LIF: variants seen among roughly 807,000 people sequenced by gnomAD.
LIF encodes the protein LIF interleukin 6 family cytokine.
A neutral mutation model predicts 15.0 loss-of-function variants in LIF; 9 were observed. That is an observed-to-expected ratio of 0.60 (90% CI 0.36 to 1.04). The LOEUF is 1.04. LIF is among the 50% of genes least tolerant of loss of function. The probability of loss-of-function intolerance (pLI) is 0.01; values close to 1 mark genes in which losing one functional copy is unlikely to be tolerated. For missense variants in LIF, 240 were observed against 266.7 expected, an observed-to-expected ratio of 0.90 and a Z score of 0.70; for synonymous variants, 122 against 119.7, an observed-to-expected ratio of 1.02 and a Z score of -0.13.
chr22:30,243,645 C>T lies in LIF; in HGVS notation c.*6G>A, dbSNP rs564218086. ...CTCGGTTCACAGCACACTTCAAGAC[C>T]TCCTGCTAGAAGGCCTGGGCCAACA... On this transcript the variant is annotated 3_prime_UTR_variant, in exon 3 of 3. Coordinates refer to ENST00000249075, the MANE Select transcript of LIF (RefSeq NM_002309.5). The surrounding 1 kb of genome is among the most constrained non-coding windows in gnomAD (Gnocchi z 6.0). 6.2e-7 allele frequency: 1 copy of T among 1,614,196 alleles called. No homozygotes were observed. The highest frequency in any genetic ancestry group is 2.2e-5 in the East Asian group (1 of 44,890).
rs1928692688 is a variant in LIF at position 30,242,095 on chromosome 22, T to TG, written c.*1555dup. Reference sequence around the variant, plus strand: ...CCAGGGCGCTATTTCAGAGGCAGCATGGGGACACAGAAACAAGGACAGGGT... The same window carrying TG: ...CCAGGGCGCTATTTCAGAGGCAGCATGGGGGACACAGAAACAAGGACAGGGT... On this transcript the variant is annotated 3_prime_UTR_variant, in exon 3 of 3. Coordinates refer to ENST00000249075, the MANE Select transcript of LIF (RefSeq NM_002309.5). 1 of 152,970 alleles carries TG rather than the reference T, an allele frequency of 6.5e-6. No homozygotes were observed. Among genetic ancestry groups the TG allele is most frequent in the South Asian group, 2.1e-4 (1 of 4,836 alleles). The allele number at this position is 152,970 out of a possible 1,614,324, so 9.5% of individuals were successfully genotyped here.
Position 30,243,511 on chromosome 22 carries a change from G to A in LIF, c.*140C>T. The A allele has an allele frequency of 9.9e-7, 1 of 1,014,300 alleles. No homozygotes were observed. The highest frequency in any genetic ancestry group is 1.5e-6 in the Non-Finnish European group (1 of 658,190). 62.8% of individuals were successfully genotyped at this position (1,014,300 alleles called of 1,614,324 possible). A position where few individuals can be genotyped will look rare whatever the true frequency, so the allele number is the denominator to read the frequency against. ...GCCCAGCCCAGAGTGGAGTGGACTG[G>A]CCAGGCACCCTCGGGGTCTGCCAGC... On this transcript the variant is annotated 3_prime_UTR_variant, in exon 3 of 3. Transcript: ENST00000249075. The surrounding 1 kb of genome is among the most constrained non-coding windows in gnomAD (Gnocchi z 6.0).
chr22:30,244,693 C>G, intron 2 of LIF, 62 bp downstream of exon 2: 16 of 1,498,580 alleles, frequency 1.1e-5, no homozygotes, highest in Non-Finnish European at 1.4e-5. Context: ...CAGGACAGCC[C>G]CTAATGATAT....
rs1294269139 is a variant in LIF, at chr22:30,243,668, A to C, written c.592T>G (p.Leu198Val). 2 of 1,614,232 alleles carry C rather than the reference A, an allele frequency of 1.2e-6. No individual in the cohort carries two copies. Among genetic ancestry groups the C allele is most frequent in the South Asian group, 2.2e-5 (2 of 91,086 alleles). ...ACCTCCTGCTAGAAGGCCTGGGCCA[A>C]CACGGCGATGATCTGCTTATACTTC... Reference protein sequence around the residue: ...LGKYKQIIAVLAQAF With the variant: ...LGKYKQIIAVVAQAF Residue 198 changes from leucine (L) to valine (V), a missense_variant, in exon 3 of 3, where the codon TTG becomes GTG. Leu to Val is a conservative substitution (Grantham distance 32, BLOSUM62 1). Transcript: ENST00000249075. The surrounding 1 kb of genome is among the most constrained non-coding windows in gnomAD (Gnocchi z 6.0).
rs772002586 is a variant in LIF, at chr22:30,244,023, G to T, written c.237C>A (p.Asp79Glu). 8 of 1,612,200 alleles carry T rather than the reference G, an allele frequency of 5.0e-6. No homozygotes were observed. The Admixed American group carries it at 1.3e-4, about 27-fold the overall frequency. ...CCGTCACGTTGGGGCCACATAGCTT[G>T]TCCAGGTTGTTGGGGAACGGCTCCC... ...AQGEPFPNNL[D>E]KLCGPNVTDF... Residue 79 changes from aspartate (D) to glutamate (E), a missense_variant, in exon 3 of 3, where the codon GAC (aspartate) becomes GAA (glutamate). Physicochemically the swap from Asp to Glu is conservative, Grantham distance 45. Transcript: ENST00000249075.
In LIF at chr22:30,246,740, G is replaced by C. The variant is rs1340806995; in HGVS notation, c.-45C>G. 3 of 1,549,952 alleles carry C rather than the reference G, an allele frequency of 1.9e-6. No homozygotes were observed. The highest frequency in any genetic ancestry group is 2.6e-6 in the Non-Finnish European group (3 of 1,145,196). On this transcript the variant is annotated 5_prime_UTR_variant, in exon 1 of 3. Transcript: ENST00000249075. ...GGCCTTGGAGGAAACCTCAGATGCC[G>C]GCAGTTTTCAGAGGTTCATGCTCAA...
rs3067163 is a variant in LIF at position 30,242,327 on chromosome 22, TG to T, written c.*1323del. The T allele has an allele frequency of 0.079, 11,933 of 150,294 alleles. 532 individuals carry two copies. The highest frequency in any genetic ancestry group is 0.1 in the Non-Finnish European group (6,726 of 67,410). The allele number at this position is 150,294 out of a possible 1,614,324, so 9.3% of individuals were successfully genotyped here. On this transcript the variant is annotated 3_prime_UTR_variant, in exon 3 of 3. Coordinates refer to ENST00000249075, the MANE Select transcript of LIF (RefSeq NM_002309.5). ...CCCTAAAGCAAGTCACAGTAGGGGA[TG>T]GGGGGGGGTGGAGCAAGGCCCCCCA...
At chr22:30,245,051 T>G in intron 1 of LIF, 118 bp from the exon 2 acceptor site, 1 of 904,536 alleles carries the variant, frequency 1.1e-6, no homozygotes, top group Non-Finnish European at 1.8e-6. Flanking sequence ...TGGTTCCCCC[T>G]CACCACCTGC....
intron 1 of LIF, 24 bp downstream of exon 1, chr22:30,246,653 C>T: frequency 6.4e-7 from 1 of 1,550,924 alleles, no homozygotes; most frequent in Non-Finnish European, 8.7e-7. Context: ...GGACGCGAAG[C>T]CGGCGCGGGG....
Position 30,244,032 on chromosome 22 carries a change from G to C in LIF, c.228C>G (p.Asn76Lys), listed in dbSNP as rs770109629. The change falls in exon 3 of 3, where the codon AAC becomes AAG. Residue 76 changes from asparagine (N) to lysine (K), a missense_variant. Coordinates refer to ENST00000249075, the MANE Select transcript of LIF (RefSeq NM_002309.5). The stretch of plus-strand genomic sequence containing the variant: ...TGGGGCCACATAGCTTGTCCAGGTT[G>C]TTGGGGAACGGCTCCCCCTGGGCTG... ...YYTAQGEPFP[N>K]NLDKLCGPNV... The C allele has an allele frequency of 3.7e-6, 6 of 1,611,128 alleles. No homozygotes were observed. The South Asian group carries it at 6.6e-5, about 18-fold the overall frequency.
Position 30,243,950 on chromosome 22 carries a change from C to T in LIF, c.310G>A (p.Glu104Lys), listed in dbSNP as rs780820237. 6.2e-7 allele frequency: 1 copy of T among 1,614,172 alleles called. No individual in the cohort carries two copies. Among genetic ancestry groups the T allele is most frequent in the South Asian group, 1.1e-5 (1 of 91,090 alleles). ...AGGTACACGACTATGCGGTACAGCTCCACCAGCTTGGCCTTCTCCGTGCCG... is the reference window on the plus strand; with the variant it reads ...AGGTACACGACTATGCGGTACAGCTTCACCAGCTTGGCCTTCTCCGTGCCG... ...ANGTEKAKLV[E>K]LYRIVVYLGT... The change falls in exon 3 of 3, where the codon GAG (glutamate) becomes AAG (lysine). Residue 104 changes from glutamate to lysine, a missense_variant. Glu to Lys is a moderately conservative substitution (Grantham distance 56). Coordinates refer to ENST00000249075, the MANE Select transcript of LIF (RefSeq NM_002309.5). The surrounding 1 kb of genome is among the most constrained non-coding windows in gnomAD (Gnocchi z 6.0).
At chr22:30,246,392 A>T in intron 1 of LIF, 1 of 945,090 alleles carries the variant, frequency 1.1e-6, no homozygotes, top group Non-Finnish European at 1.3e-6. Flanking sequence ...GAGTGTCCGG[A>T]GCGAGGAGGA....
At chr22:30,245,474 C>G (rs1287152950) in intron 1 of LIF, among the ~76,000 whole-genome samples, 2 of 152,042 alleles carry the variant, frequency 1.3e-5, no homozygotes, top group African/African-American at 4.8e-5. Context: ...CTCGGTTGAC[C>G]CTCATCTCCC....
rs1441102258 is a variant in LIF at position 30,243,328 on chromosome 22, T to G, written c.*323A>C. 3.4e-5 allele frequency: 15 copies of G among 444,792 alleles called. No individual in the cohort carries two copies. The highest frequency in any genetic ancestry group is 6.6e-4 in the Middle Eastern group (1 of 1,522). 27.6% of individuals were successfully genotyped at this position (444,792 alleles called of 1,614,324 possible). A position where few individuals can be genotyped will look rare whatever the true frequency, so the allele number is the denominator to read the frequency against. On this transcript the variant is annotated 3_prime_UTR_variant, in exon 3 of 3. Coordinates refer to ENST00000249075, the MANE Select transcript of LIF (RefSeq NM_002309.5). This position sits in a 1 kb window ranked among gnomAD's most constrained non-coding sequence, Gnocchi z 6.0. ...GGTCAGGGCTCTTGTAGATGACTTG[T>G]GTAGTTTGTTCACTGCACAAAGTGA...
In LIF at chr22:30,244,972, G is replaced by A. The variant is rs775285137; in HGVS notation, c.20-39C>T. On this transcript the variant is annotated intron_variant, in intron 1 of 2. Transcript: ENST00000249075. ...GGAAGAAGCCATGAGTAGAAAGGCA[G>A]GAAAGGGTGGCCTGGGGTCATGGCA... The A allele has an allele frequency of 1.9e-6, 3 of 1,609,082 alleles. No homozygotes were observed. In the Admixed American group the frequency reaches 5.0e-5, roughly 27 times the overall value.
At chr22:30,245,152 G>A (rs1390950887) in intron 1 of LIF, among the ~76,000 whole-genome samples, 1 of 152,154 alleles carries the variant, frequency 6.6e-6, no homozygotes, top group Non-Finnish European at 1.5e-5. Context: ...GCTCTCTTCT[G>A]GGATGACGTA....
chr22:30,243,121 C>A lies in LIF; in HGVS notation c.*530G>T, dbSNP rs737812. The stretch of plus-strand genomic sequence containing the variant: ...TCTGATCATCCTCAAAAGAAGACAG[C>A]CTTCCATCCCAGAGGCCCCTCTCTA... On this transcript the variant is annotated 3_prime_UTR_variant, in exon 3 of 3. Coordinates refer to ENST00000249075, the MANE Select transcript of LIF (RefSeq NM_002309.5). The surrounding 1 kb of genome is among the most constrained non-coding windows in gnomAD (Gnocchi z 6.0). The A allele has an allele frequency of 0.29, 48,844 of 167,264 alleles. 7,310 individuals carry two copies. The highest frequency in any genetic ancestry group is 0.33 in the Non-Finnish European group (24,771 of 75,406). 10.4% of individuals were successfully genotyped at this position (167,264 alleles called of 1,614,324 possible). A position where few individuals can be genotyped will look rare whatever the true frequency, so the allele number is the denominator to read the frequency against.
Position 30,244,799 on chromosome 22 carries a change from G to C in LIF, c.154C>G (p.Leu52Val). 1.2e-6 allele frequency: 2 copies of C among 1,614,230 alleles called. No individual in the cohort carries two copies. Among genetic ancestry groups the C allele is most frequent in the Non-Finnish European group, 1.7e-6 (2 of 1,180,040 alleles). Residue 52 changes from leucine (L) to valine (V), a missense_variant, in exon 2 of 3, where the codon CTG becomes GTG. Physicochemically the swap from Leu to Val is conservative, Grantham distance 32 (BLOSUM62 1). Coordinates refer to ENST00000249075, the MANE Select transcript of LIF (RefSeq NM_002309.5). ...TTGGCACTGCCATTGAGCTGTGCCA[G>C]TTGGCTCCTGATCTGGTTCATGAGG... ...NNLMNQIRSQ[L>V]AQLNGSANAL...
rs762890518 is a variant in LIF, at chr22:30,243,879, G to A, written c.381C>T (p.Asn127=). The part of the protein sequence containing the change: ...GNITRDQKIL[N]PSALSLHSKL... Reference sequence around the variant, plus strand: ...TGCTGTGGAGGCTGAGGGCACTGGGGTTGAGGATCTTCTGGTCCCGGGTGA... The same window carrying A: ...TGCTGTGGAGGCTGAGGGCACTGGGATTGAGGATCTTCTGGTCCCGGGTGA... The change falls in exon 3 of 3, where the codon AAC becomes AAT. Residue 127 remains asparagine, a synonymous_variant. Coordinates refer to ENST00000249075, the MANE Select transcript of LIF (RefSeq NM_002309.5). The surrounding 1 kb of genome is among the most constrained non-coding windows in gnomAD (Gnocchi z 6.0). 4 of 1,614,236 alleles carry A rather than the reference G, an allele frequency of 2.5e-6. No homozygotes were observed. The South Asian group carries it at 4.4e-5, about 18-fold the overall frequency.
Sources: gnomAD v4.1 joint callset for allele counts (sites outside exome capture counted in the v4.1 genomes callset) on GRCh38, gnomAD v4.1.1 for gene constraint, Gnocchi (gnomAD v3.1) non-coding constraint, MANE v1.5 for transcripts, NCBI Gene and HGNC (gene_info 2026-07-23, HGNC 2026-07-21) for gene names.